The following ADHFE1 variants were observed in gnomAD, a reference collection of about 807,000 sequenced individuals.
ADHFE1 encodes the protein hydroxyacid-oxoacid transhydrogenase, mitochondrial.
Under a neutral mutation model 54.8 loss-of-function variants are expected in ADHFE1, and 37 were observed. The ratio of observed to expected loss-of-function variants is 0.68; its 90% CI spans 0.52 to 0.89. The LOEUF (loss-of-function observed/expected upper bound fraction) is 0.89, where lower values mean the gene tolerates loss of function less well. ADHFE1 is among the 40% of genes least tolerant of loss of function. ADHFE1 has a pLI of 0.00. For synonymous variants in ADHFE1, 203 were observed against 229.3 expected (o/e 0.89, Z 1.04); for missense variants, 601 against 591.2 (o/e 1.02, Z -0.17).
chr8:66,462,914 C>T (rs530799927), intron 13 of ADHFE1, among the ~76,000 whole-genome samples: 4 of 152,254 alleles, frequency 2.6e-5, no homozygotes, highest in East Asian at 1.9e-4. Flanking sequence ...CTCTGCCTGC[C>T]GGGTTCAAGT....
intron 1 of ADHFE1, among the ~76,000 whole-genome samples, chr8:66,437,813 C>A (rs1337309969): frequency 6.6e-6 from 1 of 152,090 alleles, no homozygotes; most frequent in Non-Finnish European, 1.5e-5. Flanking sequence ...CGTTTTAACA[C>A]GGAGGGAGGC....
intron 13 of ADHFE1, 128 bp downstream of exon 13, chr8:66,460,593 C>G (rs1257940166): frequency 3.7e-6 from 4 of 1,090,058 alleles, no homozygotes; most frequent in African/African-American, 1.6e-5. Context: ...GTCTCCTCCA[C>G]AGCAGACAGC....
intron 13 of ADHFE1, among the ~76,000 whole-genome samples, chr8:66,466,855 T>C (rs1807219118): frequency 6.6e-6 from 1 of 152,130 alleles, no homozygotes; most frequent in African/African-American, 2.4e-5. Flanking sequence ...GGGTCAACGT[T>C]AGCATATTCA....
chr8:66,457,103 G>A lies in ADHFE1; in HGVS notation c.1099G>A (p.Ala367Thr), dbSNP rs748954835. ...HGLSVVLTSP[A>T]VFTFTAQMFP... Reference sequence around the variant, plus strand: ...CCTTTCTGTGGTGCTCACGTCCCCAGCGGTGTTCACTTTCACGGCCCAGAT... The same window carrying A: ...CCTTTCTGTGGTGCTCACGTCCCCAACGGTGTTCACTTTCACGGCCCAGAT... The change falls in exon 12 of 14, where the codon GCG (alanine) becomes ACG (threonine). Residue 367 changes from alanine to threonine, a missense_variant. Transcript: ENST00000396623. 3.1e-6 allele frequency: 5 copies of A among 1,613,788 alleles called. No homozygotes were observed. The African/African-American group carries it at 4.0e-5, about 13-fold the overall frequency.
chr8:66,462,458 C>T (rs1274850365), intron 13 of ADHFE1, among the ~76,000 whole-genome samples: 1 of 152,172 alleles, frequency 6.6e-6, no homozygotes, highest in African/African-American at 2.4e-5. Flanking sequence ...CACTGTGTTA[C>T]CCAGGCTGGT....
In ADHFE1 at chr8:66,439,143, CTT is replaced by C; in HGVS notation, c.60-1018_60-1017del. The C allele has an allele frequency of 2.1e-6, 2 of 973,168 alleles. No homozygotes were observed. Among genetic ancestry groups the C allele is most frequent in the Non-Finnish European group, 2.4e-6 (2 of 818,762 alleles). The allele number at this position is 973,168 out of a possible 1,614,324, so 60.3% of individuals were successfully genotyped here. ...TCACTCGCCCCCGCGTCTGCTTTGA[CTT>C]CGCAGTTCGAATTTTTGAGATCTGG... is the stretch of plus-strand genomic sequence containing the variant. On this transcript the variant is annotated intron_variant, in intron 1 of 13. Transcript: ENST00000396623. The surrounding 1 kb of genome is among the most constrained non-coding windows in gnomAD (Gnocchi z 4.4).
chr8:66,445,604 C>T (rs1308360879), intron 6 of ADHFE1, among the ~76,000 whole-genome samples, 190 bp downstream of exon 6: 1 of 152,100 alleles, frequency 6.6e-6, no homozygotes, highest in Non-Finnish European at 1.5e-5. Context: ...TAGATAAAGA[C>T]AATTGGGGTC....
chr8:66,446,553 G>A (rs1806034645), intron 6 of ADHFE1, among the ~76,000 whole-genome samples: 1 of 152,194 alleles, frequency 6.6e-6, no homozygotes, highest in Non-Finnish European at 1.5e-5. Flanking sequence ...CAAAGACACA[G>A]AAGTCATACA....
Position 66,444,751 on chromosome 8 carries a change from A to C in ADHFE1, c.353+3A>C. The C allele has an allele frequency of 6.2e-7, 1 of 1,613,708 alleles. No individual in the cohort carries two copies. Among genetic ancestry groups the C allele is most frequent in the Non-Finnish European group, 8.5e-7 (1 of 1,179,874 alleles). On this transcript the variant is annotated splice_donor_region_variant and intron_variant, in intron 5 of 13. Coordinates refer to ENST00000396623, the MANE Select transcript of ADHFE1 (RefSeq NM_144650.3). ...AGAGTGGAACCAACGGATTCAAGGT[A>C]TTCTTGTATTGTTGTTATTGTTTCT...
At chr8:66,446,345 G>C (rs893656742) in intron 6 of ADHFE1, among the ~76,000 whole-genome samples, 1 of 152,224 alleles carries the variant, frequency 6.6e-6, no homozygotes, top group African/African-American at 2.4e-5. Context: ...CACTGTGCTT[G>C]CTGCCAAGAG....
At chr8:66,441,167 C>T (rs1805725083) in intron 2 of ADHFE1, among the ~76,000 whole-genome samples, 1 of 152,220 alleles carries the variant, frequency 6.6e-6, no homozygotes, top group Admixed American at 6.5e-5. Context: ...TAATAATTTA[C>T]AGAAAGATAT....
chr8:66,455,292 T>C (rs535703347), intron 10 of ADHFE1, among the ~76,000 whole-genome samples: 34 of 152,220 alleles, frequency 2.2e-4, no homozygotes, highest in Non-Finnish European at 4.0e-4. Flanking sequence ...CACCATGTGT[T>C]GTGGATTTTT....
Position 66,445,310 on chromosome 8 carries a change from C to G in ADHFE1, c.446C>G (p.Ala149Gly), listed in dbSNP as rs142244838. Reference sequence around the variant, plus strand: ...TCTACCATGGACACCTGTAAGGCTGCTAATCTGTATGCATCCAGCCCTCAT... The same window carrying G: ...TCTACCATGGACACCTGTAAGGCTGGTAATCTGTATGCATCCAGCCCTCAT... ...GGSTMDTCKAANLYASSPHSD... is the reference protein window; with the variant it reads ...GGSTMDTCKAGNLYASSPHSD... Residue 149 changes from alanine to glycine, a missense_variant, in exon 6 of 14, where the codon GCT (alanine) becomes GGT (glycine). By Grantham distance (60) the Ala-to-Gly change is moderately conservative. Coordinates refer to ENST00000396623, the MANE Select transcript of ADHFE1 (RefSeq NM_144650.3). The G allele has an allele frequency of 2.7e-5, 43 of 1,613,920 alleles. No individual in the cohort carries two copies. The highest frequency in any genetic ancestry group is 3.6e-5 in the Non-Finnish European group (43 of 1,180,004).
chr8:66,465,036 G>A (rs1487984632), intron 13 of ADHFE1, among the ~76,000 whole-genome samples: 1 of 152,188 alleles, frequency 6.6e-6, no homozygotes, highest in Non-Finnish European at 1.5e-5. Flanking sequence ...GTTGTAGCAT[G>A]TGTCAGAATT....
chr8:66,466,735 T>TA (rs1398608719), intron 13 of ADHFE1, among the ~76,000 whole-genome samples: 1 of 152,222 alleles, frequency 6.6e-6, no homozygotes, highest in Non-Finnish European at 1.5e-5. Context: ...CATAAGGAGA[T>TA]AGAGAGTGAT....
In ADHFE1 at chr8:66,439,435, G is replaced by A. The variant is rs959634180; in HGVS notation, c.60-727G>A. On this transcript the variant is annotated intron_variant, in intron 1 of 13. Coordinates refer to ENST00000396623, the MANE Select transcript of ADHFE1 (RefSeq NM_144650.3). This position sits in a 1 kb window ranked among gnomAD's most constrained non-coding sequence, Gnocchi z 4.4. ...ATAGGAGACGACCAGGACAGGAAGA[G>A]GGACCACAGCCAGGGGAGGGAGGGT... 1 of 986,168 alleles carries A rather than the reference G, an allele frequency of 1.0e-6. No individual in the cohort carries two copies. The highest frequency in any genetic ancestry group is 1.2e-6 in the Non-Finnish European group (1 of 830,358). 61.1% of individuals were successfully genotyped at this position (986,168 alleles called of 1,614,324 possible).
chr8:66,442,171 G>A (rs1330310550), intron 2 of ADHFE1, among the ~76,000 whole-genome samples: 2 of 152,042 alleles, frequency 1.3e-5, no homozygotes, highest in African/African-American at 2.4e-5. Context: ...TTCTGTAATA[G>A]TAACCCAACT....
Position 66,444,422 on chromosome 8 carries a change from C to T in ADHFE1, c.198+2C>T, listed in dbSNP as rs1805921960. On this transcript the variant is annotated splice_donor_variant, in intron 4 of 13. Transcript: ENST00000396623. LOFTEE classifies it low-confidence loss of function (GC_TO_GT_DONOR). The stretch of plus-strand genomic sequence containing the variant: ...GCAGTTACAAAGGAAGTAGGAATGG[C>T]AAGTATTCGAGATGTCTACGGTCTC... 4 of 1,613,796 alleles carry T rather than the reference C, an allele frequency of 2.5e-6. No individual in the cohort carries two copies. The highest frequency in any genetic ancestry group is 3.4e-6 in the Non-Finnish European group (4 of 1,179,860).
At chr8:66,448,210 G>A (rs952808970) in intron 7 of ADHFE1, among the ~76,000 whole-genome samples, 4 of 152,060 alleles carry the variant, frequency 2.6e-5, no homozygotes, top group Non-Finnish European at 4.4e-5. Flanking sequence ...TCAGATCTTC[G>A]TAGCAGAATA....
Sources: allele counts gnomAD v4.1 joint callset (sites outside exome capture counted in the v4.1 genomes callset), GRCh38; gene constraint gnomAD v4.1.1; non-coding constraint Gnocchi (gnomAD v3.1); transcripts MANE v1.5; gene names NCBI Gene and HGNC (gene_info 2026-07-23, HGNC 2026-07-21).